Variants in OSTN observed in about 807,000 individuals in gnomAD.
The protein encoded by OSTN is osteocrin.
In OSTN, 9 loss-of-function variants were observed where a neutral mutation model predicts 12.0. That is an observed-to-expected ratio of 0.75 (90% CI 0.45 to 1.30). The LOEUF is 1.30. OSTN is among the 50% of genes most tolerant of loss of function. The pLI, the probability that OSTN is intolerant of heterozygous loss-of-function variation, is 0.00. For synonymous variants in OSTN, 59 were observed against 56.9 expected (o/e 1.04, Z -0.16); for missense variants, 148 against 152.3 (o/e 0.97, Z 0.15).
At chr3:191,228,515 G>A (rs913815800) in intron 3 of OSTN, among the ~76,000 whole-genome samples, 41 of 152,132 alleles carry the variant, frequency 2.7e-4, no homozygotes, top group African/African-American at 9.7e-4. Flanking sequence ...TAGGAGTGCA[G>A]TATTATCTTA....
At chr3:191,204,463 A>G (rs1361756525) in intron 1 of OSTN, among the ~76,000 whole-genome samples, 1 of 152,196 alleles carries the variant, frequency 6.6e-6, no homozygotes, top group Non-Finnish European at 1.5e-5. Context: ...ATCCTCAATG[A>G]TTTTAAATCT....
intron 4 of OSTN, among the ~76,000 whole-genome samples, chr3:191,251,607 G>A (rs369629821): frequency 3.3e-5 from 5 of 151,804 alleles, no homozygotes; most frequent in African/African-American, 4.8e-5. Context: ...CAACTCTCTC[G>A]TTCTCAAAAT....
intron 4 of OSTN, among the ~76,000 whole-genome samples, chr3:191,255,704 A>G (rs1715654884): frequency 6.6e-6 from 1 of 152,174 alleles, no homozygotes; most frequent in African/African-American, 2.4e-5. Context: ...AGATATAAAT[A>G]GCCCTAAAAA....
chr3:191,228,298 A>G (rs919337678), intron 3 of OSTN, among the ~76,000 whole-genome samples: 5 of 152,188 alleles, frequency 3.3e-5, no homozygotes, highest in African/African-American at 9.7e-5. Flanking sequence ...AGTTTTATAA[A>G]GAAATATTAT....
At chr3:191,250,318 T>C (rs923746953) in intron 4 of OSTN, among the ~76,000 whole-genome samples, 185 bp downstream of exon 4, 1 of 152,202 alleles carries the variant, frequency 6.6e-6, no homozygotes, top group Admixed American at 6.5e-5. Flanking sequence ...AAATGATATT[T>C]AAAAAGCAAA....
chr3:191,215,779 GC>G (rs1213564325), intron 2 of OSTN, among the ~76,000 whole-genome samples: 1 of 152,188 alleles, frequency 6.6e-6, no homozygotes, highest in Non-Finnish European at 1.5e-5. Flanking sequence ...TGCCCCTGAG[GC>G]TTTGCAGGGT....
intron 3 of OSTN, among the ~76,000 whole-genome samples, chr3:191,227,033 T>A (rs1714929663): frequency 6.6e-6 from 1 of 151,994 alleles, no homozygotes; most frequent in African/African-American, 2.4e-5. Flanking sequence ...TTTAAAGTTA[T>A]CATGACAAAA....
intron 3 of OSTN, among the ~76,000 whole-genome samples, chr3:191,246,060 T>A: frequency 4.9e-5 from 4 of 82,230 alleles, no homozygotes; most frequent in South Asian, 5.0e-4. Context: ...AGAGCAAAAC[T>A]CTGTCTCAAA....
At chr3:191,256,262 GCAAAGTAAA>G (rs1715667697) in intron 4 of OSTN, among the ~76,000 whole-genome samples, 1 of 152,014 alleles carries the variant, frequency 6.6e-6, no homozygotes, top group African/African-American at 2.4e-5. Context: ...TAAATATAAT[GCAAAGTAAA>G]ACACATTTCA....
chr3:191,255,561 A>T (rs1464216033), intron 4 of OSTN, among the ~76,000 whole-genome samples: 2 of 152,240 alleles, frequency 1.3e-5, no homozygotes, highest in Admixed American at 6.5e-5. Context: ...ATTCTTGCTG[A>T]ACTTACACAA....
At chr3:191,229,825 G>A (rs1471891773) in intron 3 of OSTN, 1 of 152,150 alleles carries the variant, frequency 6.6e-6, no homozygotes, top group Non-Finnish European at 1.5e-5. Context: ...AGAACTTCGA[G>A]AGGTCAAGGC....
chr3:191,244,643 C>A (rs1209959204), intron 3 of OSTN, among the ~76,000 whole-genome samples: 1 of 147,700 alleles, frequency 6.8e-6, no homozygotes, highest in East Asian at 1.9e-4. Context: ...TATTTCATAT[C>A]AACAAAAATG....
chr3:191,232,488 A>G (rs954081147), intron 3 of OSTN, among the ~76,000 whole-genome samples: 5 of 149,018 alleles, frequency 3.4e-5, no homozygotes, highest in African/African-American at 9.7e-5. Context: ...ATTTTTTTCT[A>G]TATTCATAAA....
rs1715892004 is a variant in OSTN, at chr3:191,265,047, T to C, written c.*2194T>C. The C allele has an allele frequency of 3.3e-5, 5 of 152,172 alleles. No individual in the cohort carries two copies. The South Asian group carries it at 1.0e-3, about 32-fold the overall frequency. The allele number at this position is 152,172 out of a possible 1,614,324, so 9.4% of individuals were successfully genotyped here. A position where few individuals can be genotyped will look rare whatever the true frequency, so the allele number is the denominator to read the frequency against. On this transcript the variant is annotated 3_prime_UTR_variant, in exon 5 of 5. Coordinates refer to ENST00000682035, the MANE Select transcript of OSTN (RefSeq NM_198184.2). ...CTCTATTTTATTTCATATTTTAATT[T>C]TTACCACTACTTCATTCAGAGTAGA... is the stretch of plus-strand genomic sequence containing the variant.
chr3:191,205,549 T>C (rs145674919), intron 1 of OSTN, among the ~76,000 whole-genome samples: 1,767 of 151,968 alleles, frequency 0.012, 28 homozygotes, highest in African/African-American at 0.035. Flanking sequence ...AAAATTCGTA[T>C]TTTGTCTTCA....
chr3:191,249,829 T>A (rs1715519531), intron 3 of OSTN, among the ~76,000 whole-genome samples: 1 of 152,172 alleles, frequency 6.6e-6, no homozygotes, highest in Non-Finnish European at 1.5e-5. Flanking sequence ...AGTTTCCTCA[T>A]ATGTAAAATG....
At chr3:191,262,133 G>C (rs551714530) in intron 4 of OSTN, among the ~76,000 whole-genome samples, 3 of 152,130 alleles carry the variant, frequency 2.0e-5, no homozygotes, top group African/African-American at 7.2e-5. Context: ...CAGGAGAATC[G>C]CTTGAACCCG....
chr3:191,221,634 A>G (rs2108534840), intron 3 of OSTN, among the ~76,000 whole-genome samples: 1 of 152,268 alleles, frequency 6.6e-6, no homozygotes, highest in South Asian at 2.1e-4. Flanking sequence ...TATCTAGTGG[A>G]AGAAATTTCT....
At chr3:191,210,397 G>T (rs1357790275) in intron 1 of OSTN, among the ~76,000 whole-genome samples, 1 of 152,074 alleles carries the variant, frequency 6.6e-6, no homozygotes, top group Non-Finnish European at 1.5e-5. Flanking sequence ...TCAAGAAAAT[G>T]TCAAAAAAAA....
Sources: gnomAD v4.1 joint callset for allele counts (sites outside exome capture counted in the v4.1 genomes callset) on GRCh38, gnomAD v4.1.1 for gene constraint, MANE v1.5 for transcripts, NCBI Gene and HGNC (gene_info 2026-07-23, HGNC 2026-07-21) for gene names.